AGBL1: variants seen among roughly 807,000 people sequenced by gnomAD.
AGBL1 encodes the protein cytosolic carboxypeptidase 4.
Under a neutral mutation model 118.9 loss-of-function variants are expected in AGBL1, and 130 were observed. The ratio of observed to expected loss-of-function variants is 1.09; its 90% CI spans 0.95 to 1.26. AGBL1 has a LOEUF of 1.26. Ranked by LOEUF, AGBL1 falls within the 50% of genes most tolerant of loss-of-function variation. AGBL1 has a pLI of 0.00. For synonymous variants in AGBL1, 555 were observed against 478.9 expected, an observed-to-expected ratio of 1.16 and a Z score of -2.08; for missense variants, 1,584 against 1,298.1, an observed-to-expected ratio of 1.22 and a Z score of -3.38.
In AGBL1 at chr15:86,227,579, G is replaced by T. The variant is rs922053066; in HGVS notation, c.526+2628G>T. ...TCAGACTCTGCCAAATATCCCCCAT[G>T]GGGGGTGGACAGTAAAATTTCCACT... On this transcript the variant is annotated intron_variant, in intron 6 of 22. Transcript: ENST00000614907. Among the ~76,000 whole-genome samples the T allele has an allele frequency of 5.3e-5, 8 of 152,358 alleles. No homozygotes were observed. In the Middle Eastern group the frequency reaches 0.01, roughly 194 times the overall value.
At chr15:86,762,023 G>A (rs1401835029) in intron 22 of AGBL1, among the ~76,000 whole-genome samples, 4 of 151,970 alleles carry the variant, frequency 2.6e-5, no homozygotes, top group African/African-American at 4.8e-5. Context: ...ATACACCATG[G>A]AATACTATGC....
At chr15:86,191,348 CAAA>C (rs869108108) in intron 5 of AGBL1, among the ~76,000 whole-genome samples, 13,547 of 64,822 alleles carry the variant, frequency 0.21, 735 homozygotes, top group Middle Eastern at 0.28. Flanking sequence ...AACTTTGTCT[CAAA>C]AAAAAAAAAA....
intron 17 of AGBL1, among the ~76,000 whole-genome samples, chr15:86,357,346 A>T (rs1392082545): frequency 6.6e-6 from 1 of 152,202 alleles, no homozygotes; most frequent in Non-Finnish European, 1.5e-5. Flanking sequence ...GTCAAAACTG[A>T]ATGATCATTT....
intron 22 of AGBL1, among the ~76,000 whole-genome samples, chr15:86,847,505 T>C (rs1312714849): frequency 6.6e-6 from 1 of 152,246 alleles, no homozygotes; most frequent in Non-Finnish European, 1.5e-5. Flanking sequence ...TGCTGTTGTT[T>C]CTACTCAAGT....
intron 22 of AGBL1, among the ~76,000 whole-genome samples, chr15:86,773,813 A>G (rs1162101105): frequency 3.3e-5 from 5 of 151,968 alleles, no homozygotes; most frequent in Admixed American, 6.6e-5. Flanking sequence ...CTAGGTGTGT[A>G]TGGAAAAGAA....
intron 7 of AGBL1, among the ~76,000 whole-genome samples, chr15:86,253,116 A>G (rs1305426324): frequency 6.6e-6 from 1 of 152,182 alleles, no homozygotes; most frequent in Non-Finnish European, 1.5e-5. Flanking sequence ...GGTGAGCTTG[A>G]GAAACACAGA....
At chr15:86,339,091 A>G (rs573396535) in intron 17 of AGBL1, among the ~76,000 whole-genome samples, 1 of 152,164 alleles carries the variant, frequency 6.6e-6, no homozygotes, top group South Asian at 2.1e-4. Flanking sequence ...TTGCTTTATG[A>G]TCCTTCATCC....
At chr15:86,312,443 C>A (rs1780247925) in intron 17 of AGBL1, 1 of 152,166 alleles carries the variant, frequency 6.6e-6, no homozygotes, top group African/African-American at 2.4e-5. Context: ...AATTAACTGC[C>A]CCAAATGTGA....
intron 23 of AGBL1, among the ~76,000 whole-genome samples, chr15:86,983,551 A>G (rs1349818663): frequency 6.6e-6 from 1 of 152,158 alleles, no homozygotes; most frequent in Non-Finnish European, 1.5e-5. Flanking sequence ...ACTCAGCTTT[A>G]TTCAGATGTA....
chr15:86,554,257 G>A (rs1330082182), intron 20 of AGBL1, 104 bp from the exon 21 acceptor site: 1 of 991,360 alleles, frequency 1.0e-6, no homozygotes, highest in Non-Finnish European at 1.4e-6. Context: ...AAAGTAACGA[G>A]TATTTTATAT....
intron 19 of AGBL1, among the ~76,000 whole-genome samples, chr15:86,525,111 C>T (rs959811661): frequency 9.2e-5 from 14 of 151,822 alleles, no homozygotes; most frequent in Non-Finnish European, 1.8e-4. Flanking sequence ...CCAATAACAA[C>T]CAGCTGAGAA....
intron 22 of AGBL1, among the ~76,000 whole-genome samples, chr15:86,676,039 CCACACCATTT>C (rs1364500823): frequency 6.6e-6 from 1 of 152,168 alleles, no homozygotes; most frequent in Non-Finnish European, 1.5e-5. Flanking sequence ...CTCCACCCTT[CCACACCATTT>C]CACACAATTA....
intron 21 of AGBL1, among the ~76,000 whole-genome samples, chr15:86,635,009 A>G (rs963581001): frequency 2.6e-5 from 4 of 152,170 alleles, no homozygotes; most frequent in African/African-American, 9.7e-5. Context: ...GTATATTGAA[A>G]AATGAGGACA....
intron 23 of AGBL1, among the ~76,000 whole-genome samples, chr15:86,971,923 T>G (rs1405240794): frequency 1.3e-5 from 2 of 151,906 alleles, no homozygotes; most frequent in Admixed American, 1.3e-4. Flanking sequence ...TAAGGGGCTC[T>G]TCCCACTTTG....
chr15:86,963,448 G>C (rs991155570), intron 23 of AGBL1, among the ~76,000 whole-genome samples: 1 of 151,778 alleles, frequency 6.6e-6, no homozygotes, highest in African/African-American at 2.4e-5. Flanking sequence ...CCTCAGATCA[G>C]TTAGACATAA....
chr15:86,818,643 T>A (rs1397272340), intron 22 of AGBL1, among the ~76,000 whole-genome samples: 1 of 152,072 alleles, frequency 6.6e-6, no homozygotes, highest in African/African-American at 2.4e-5. Context: ...TGAAAACTTG[T>A]CCAGGAAAGA....
At chr15:86,588,871 C>G (rs138243152) in intron 21 of AGBL1, among the ~76,000 whole-genome samples, 2 of 152,140 alleles carry the variant, frequency 1.3e-5, no homozygotes, top group Non-Finnish European at 1.5e-5. Context: ...TTTATTATTT[C>G]TTTGATGGCA....
intron 1 of AGBL1, among the ~76,000 whole-genome samples, chr15:86,115,692 G>T (rs960327255): frequency 1.3e-5 from 2 of 152,166 alleles, no homozygotes; most frequent in African/African-American, 4.8e-5. Flanking sequence ...GCACTGGAAA[G>T]CTCAAGGCTA....
intron 22 of AGBL1, among the ~76,000 whole-genome samples, chr15:86,780,733 G>A (rs1221423989): frequency 6.8e-6 from 1 of 147,580 alleles, no homozygotes; most frequent in East Asian, 2.0e-4. Flanking sequence ...GTGATATCTT[G>A]GCTCACTGCG....
Sources: allele counts gnomAD v4.1 joint callset (sites outside exome capture counted in the v4.1 genomes callset), GRCh38; gene constraint gnomAD v4.1.1; transcripts MANE v1.5; gene names NCBI Gene and HGNC (gene_info 2026-07-23, HGNC 2026-07-21).